The following KIN variants were observed in gnomAD, a reference collection of about 807,000 sequenced individuals.
KIN encodes Kin17 DNA and RNA binding protein, also known as DNA/RNA-binding protein KIN17.
A neutral mutation model predicts 63.0 loss-of-function variants in KIN; 47 were observed. The ratio of observed to expected loss-of-function variants is 0.75; its 90% confidence interval spans 0.59 to 0.95. The LOEUF is 0.95. Among genes scored for constraint, KIN ranks in the 40% least tolerant of loss-of-function variants. The probability of loss-of-function intolerance (pLI) is 0.00; values close to 1 mark genes in which losing one functional copy is unlikely to be tolerated. For missense variants in KIN, 408 were observed against 460.9 expected, an observed-to-expected ratio of 0.89 and a Z score of 1.05; for synonymous variants, 160 against 157.7, an observed-to-expected ratio of 1.01 and a Z score of -0.11.
At chr10:7,756,870 G>A (rs552126804) in intron 12 of KIN, among the ~76,000 whole-genome samples, 2 of 151,776 alleles carry the variant, frequency 1.3e-5, no homozygotes, top group African/African-American at 2.4e-5. Context: ...CTTTCATATC[G>A]AACAAAAAGG....
At chr10:7,787,771 A>G in intron 1 of KIN, 49 bp downstream of exon 1, 1 of 1,423,916 alleles carries the variant, frequency 7.0e-7, no homozygotes. Context: ...CTGATCCTGG[A>G]TTGCCAGGGG....
intron 8 of KIN, 71 bp from the exon 9 acceptor site, chr10:7,766,174 A>G (rs1835540159): frequency 1.9e-6 from 2 of 1,070,056 alleles, no homozygotes; most frequent in East Asian, 4.9e-5. Context: ...CATTCTATTT[A>G]GCAAAATAAC....
chr10:7,781,853 T>A (rs1464373613), intron 2 of KIN, among the ~76,000 whole-genome samples: 3 of 151,348 alleles, frequency 2.0e-5, no homozygotes, highest in East Asian at 3.9e-4. Flanking sequence ...GGTCAGGAGT[T>A]CAACACCAGC....
intron 2 of KIN, among the ~76,000 whole-genome samples, chr10:7,782,449 A>G (rs982575987): frequency 2.7e-5 from 4 of 150,044 alleles, no homozygotes; most frequent in Non-Finnish European, 4.4e-5. Context: ...CCCAGGCTAG[A>G]GTGCAATGGT....
intron 9 of KIN, 75 bp from the exon 10 acceptor site, chr10:7,763,866 T>C (rs1444984883): frequency 2.8e-6 from 2 of 723,670 alleles, no homozygotes; most frequent in Admixed American, 2.8e-5. Flanking sequence ...CCTTTTAAAC[T>C]ATGTTCACCC....
chr10:7,764,743 T>C (rs917864503), intron 9 of KIN, among the ~76,000 whole-genome samples: 1 of 152,238 alleles, frequency 6.6e-6, no homozygotes, highest in Non-Finnish European at 1.5e-5. Context: ...TCTGGGCTAA[T>C]TTCTCAAACG....
chr10:7,758,319 C>G (rs1835372603), intron 12 of KIN, among the ~76,000 whole-genome samples: 1 of 152,148 alleles, frequency 6.6e-6, no homozygotes, highest in African/African-American at 2.4e-5. Flanking sequence ...ATTCGTCCGC[C>G]TCAGCCTCCC....
intron 5 of KIN, among the ~76,000 whole-genome samples, chr10:7,776,055 T>C (rs530354626): frequency 6.6e-6 from 1 of 151,936 alleles, no homozygotes; most frequent in Non-Finnish European, 1.5e-5. Flanking sequence ...AGTGAAACCC[T>C]GTCTCTGCTA....
At chr10:7,767,242 A>T (rs1003857155) in intron 8 of KIN, among the ~76,000 whole-genome samples, 4 of 152,092 alleles carry the variant, frequency 2.6e-5, no homozygotes, top group Non-Finnish European at 5.9e-5. Flanking sequence ...GCTGCACTCC[A>T]GTCCCGTGGG....
chr10:7,784,465 A>G (rs1005734880), intron 1 of KIN, among the ~76,000 whole-genome samples: 3 of 152,126 alleles, frequency 2.0e-5, no homozygotes, highest in Non-Finnish European at 4.4e-5. Flanking sequence ...GTATGTGCCT[A>G]TAGTCCCAGC....
At chr10:7,784,643 G>T (rs897410848) in intron 1 of KIN, among the ~76,000 whole-genome samples, 4 of 152,028 alleles carry the variant, frequency 2.6e-5, no homozygotes, top group Admixed American at 2.6e-4. Flanking sequence ...ATGAGCAAAA[G>T]CTCATTTGTA....
chr10:7,783,302 G>C (rs1286860650), intron 1 of KIN, 127 bp from the exon 2 acceptor site: 1 of 449,862 alleles, frequency 2.2e-6, no homozygotes, highest in African/African-American at 2.0e-5. Context: ...CAAATCATTA[G>C]CTGTAACTAC....
chr10:7,777,234 G>A (rs1835797463), intron 5 of KIN, among the ~76,000 whole-genome samples: 1 of 139,282 alleles, frequency 7.2e-6, no homozygotes. Flanking sequence ...TAAACTTTAG[G>A]AAAAGCAAAA....
At position 7,762,575 on chromosome 10, in the gene KIN, A is replaced by G. The variant is rs753282733; in HGVS notation, c.919-19T>C. The G allele has an allele frequency of 3.0e-5, 42 of 1,408,706 alleles. No homozygotes were observed. Among genetic ancestry groups the G allele is most frequent in the Non-Finnish European group, 4.2e-5 (42 of 999,598 alleles). 87.3% of individuals were successfully genotyped at this position (1,408,706 alleles called of 1,614,324 possible). A position where few individuals can be genotyped will look rare whatever the true frequency, so the allele number is the denominator to read the frequency against. On this transcript the variant is annotated intron_variant, in intron 10 of 12. Coordinates refer to ENST00000379562, the MANE Select transcript of KIN (RefSeq NM_012311.4). ...TTACTTCCTGTCATGTAAAATGAAC[A>G]CTTTTATAATAGAAGAAATATGTGC...
chr10:7,763,677 A>G lies in KIN; in HGVS notation c.918+46T>C, dbSNP rs376513114. 98 of 1,044,880 alleles carry G rather than the reference A, an allele frequency of 9.4e-5. 1 individual carries two copies. Among genetic ancestry groups the G allele is most frequent in the South Asian group, 4.5e-4 (32 of 70,354 alleles). The allele number at this position is 1,044,880 out of a possible 1,614,324, so 64.7% of individuals were successfully genotyped here. A position where few individuals can be genotyped will look rare whatever the true frequency, so the allele number is the denominator to read the frequency against. On this transcript the variant is annotated intron_variant, in intron 10 of 12. Coordinates refer to ENST00000379562, the MANE Select transcript of KIN (RefSeq NM_012311.4). Reference sequence around the variant, plus strand: ...AATACCAAAATAGCTTCACTCAGTGACCCAAGCTTTTTTCACAAATTCCAT... The same window carrying G: ...AATACCAAAATAGCTTCACTCAGTGGCCCAAGCTTTTTTCACAAATTCCAT...
chr10:7,779,527 A>T (rs1355074257), intron 4 of KIN, among the ~76,000 whole-genome samples: 1 of 152,182 alleles, frequency 6.6e-6, no homozygotes, highest in Non-Finnish European at 1.5e-5. Flanking sequence ...TGTGAATTCA[A>T]CCAACCGTGG....
intron 12 of KIN, 112 bp downstream of exon 12, chr10:7,759,778 A>G (rs1835402322): frequency 1.6e-6 from 1 of 607,158 alleles, no homozygotes; most frequent in Admixed American, 3.3e-5. Context: ...CAAATAGGAT[A>G]GAAGGCTAAC....
At chr10:7,765,034 C>T (rs1835514024) in intron 9 of KIN, among the ~76,000 whole-genome samples, 1 of 152,050 alleles carries the variant, frequency 6.6e-6, no homozygotes, top group African/African-American at 2.4e-5. Flanking sequence ...TGGCCCATGC[C>T]TGTAATCTCA....
intron 2 of KIN, among the ~76,000 whole-genome samples, chr10:7,781,750 CAAAAAAA>C (rs34969604): frequency 2.9e-5 from 2 of 67,998 alleles, no homozygotes; most frequent in African/African-American, 6.0e-5. Context: ...AAGACCCTGT[CAAAAAAA>C]AAAAAAAAAA....
Sources: allele counts gnomAD v4.1 joint callset (sites outside exome capture counted in the v4.1 genomes callset), GRCh38; gene constraint gnomAD v4.1.1; transcripts MANE v1.5; gene names NCBI Gene and HGNC (gene_info 2026-07-23, HGNC 2026-07-21).